The following PTPRK variants were observed in gnomAD, a reference collection of about 807,000 sequenced individuals.
PTPRK encodes receptor-type tyrosine-protein phosphatase kappa.
Under a neutral mutation model 178.0 loss-of-function variants are expected in PTPRK, and 75 were observed. The ratio of observed to expected loss-of-function variants is 0.42; its 90% CI spans 0.35 to 0.51. The LOEUF (loss-of-function observed/expected upper bound fraction) is 0.51, where lower values mean the gene tolerates loss of function less well. Among genes scored for constraint, PTPRK ranks in the 20% least tolerant of loss-of-function variants. The pLI, the probability that PTPRK is intolerant of heterozygous loss-of-function variation, is 0.02. For synonymous variants in PTPRK, 637 were observed against 620.6 expected, an observed-to-expected ratio of 1.03 and a Z score of -0.39; for missense variants, 1,441 against 1,797.8, an observed-to-expected ratio of 0.80 and a Z score of 3.59.
chr6:128,225,005 C>T (rs1407515237), intron 5 of PTPRK, among the ~76,000 whole-genome samples: 1 of 152,128 alleles, frequency 6.6e-6, no homozygotes, highest in Non-Finnish European at 1.5e-5. Context: ...TTTTCTATTA[C>T]TTTCAGCTTG....
At chr6:128,137,515 G>A (rs1263755531) in intron 7 of PTPRK, among the ~76,000 whole-genome samples, 2 of 152,144 alleles carry the variant, frequency 1.3e-5, no homozygotes, top group Non-Finnish European at 2.9e-5. Context: ...AATTCTGGCA[G>A]TAAGCGACAA....
intron 15 of PTPRK, chr6:128,000,375 G>GC (rs1381435730): frequency 8.4e-7 from 1 of 1,194,076 alleles, no homozygotes; most frequent in East Asian, 5.6e-5. Context: ...AGATTTGTGT[G>GC]CCTCTGTAAT....
At chr6:128,331,102 A>T (rs1353634929) in intron 2 of PTPRK, among the ~76,000 whole-genome samples, 1 of 152,002 alleles carries the variant, frequency 6.6e-6, no homozygotes, top group Non-Finnish European at 1.5e-5. Context: ...CCACTTACTG[A>T]ATTTATTTGT....
chr6:128,266,383 C>G (rs1353974327), intron 3 of PTPRK, among the ~76,000 whole-genome samples: 2 of 151,968 alleles, frequency 1.3e-5, no homozygotes, highest in Non-Finnish European at 2.9e-5. Flanking sequence ...GACTGGGGAC[C>G]CAGACAGATG....
intron 10 of PTPRK, among the ~76,000 whole-genome samples, chr6:128,079,307 C>T (rs1366145056): frequency 6.6e-6 from 1 of 151,892 alleles, no homozygotes; most frequent in African/African-American, 2.4e-5. Flanking sequence ...CTATGAACAG[C>T]AAGAGCTGAG....
intron 11 of PTPRK, among the ~76,000 whole-genome samples, chr6:128,068,261 C>T (rs1403808393): frequency 6.6e-6 from 1 of 152,222 alleles, no homozygotes; most frequent in Non-Finnish European, 1.5e-5. Flanking sequence ...GTCACAGCCT[C>T]AGAGACAGAA....
rs1433549278 is a variant in PTPRK at position 128,519,103 on chromosome 6, C to T, written c.100+1156G>A. 1.9e-6 allele frequency: 1 copy of T among 531,110 alleles called. No homozygotes were observed. Among genetic ancestry groups the T allele is most frequent in the South Asian group, 1.4e-5 (1 of 70,834 alleles). 32.9% of individuals were successfully genotyped at this position (531,110 alleles called of 1,614,324 possible). A position where few individuals can be genotyped will look rare whatever the true frequency, so the allele number is the denominator to read the frequency against. ...CACCACTGCGTCTCCATCTGCACCGCGAACCCCAGCAGCAGATGCGCTCGC... is the reference window on the plus strand; with the variant it reads ...CACCACTGCGTCTCCATCTGCACCGTGAACCCCAGCAGCAGATGCGCTCGC... On this transcript the variant is annotated intron_variant, in intron 1 of 29. Transcript: ENST00000368226. This position sits in a 1 kb window ranked among gnomAD's most constrained non-coding sequence, Gnocchi z 4.3.
At chr6:128,017,916 T>G (rs942927335) in intron 13 of PTPRK, among the ~76,000 whole-genome samples, 12 of 148,562 alleles carry the variant, frequency 8.1e-5, no homozygotes, top group Non-Finnish European at 1.6e-4. Context: ...CTATCCAGGG[T>G]AGGACTGTTC....
chr6:128,493,030 C>A (rs1288630072), intron 1 of PTPRK, among the ~76,000 whole-genome samples: 1 of 152,080 alleles, frequency 6.6e-6, no homozygotes, highest in Non-Finnish European at 1.5e-5. Flanking sequence ...ATTTTAGAAG[C>A]CGGAATATGT....
chr6:128,266,285 T>C (rs546217418), intron 3 of PTPRK, among the ~76,000 whole-genome samples: 1 of 152,192 alleles, frequency 6.6e-6, no homozygotes, highest in East Asian at 1.9e-4. Context: ...GCTTGAACTT[T>C]TGACAATATC....
intron 1 of PTPRK, among the ~76,000 whole-genome samples, chr6:128,516,892 G>A (rs1858117138): frequency 6.6e-6 from 1 of 151,670 alleles, no homozygotes; most frequent in Non-Finnish European, 1.5e-5. Flanking sequence ...TGCCAGGAAT[G>A]TTAATAGTGA....
At chr6:128,263,197 C>A (rs1190084051) in intron 3 of PTPRK, among the ~76,000 whole-genome samples, 1 of 152,134 alleles carries the variant, frequency 6.6e-6, no homozygotes, top group Non-Finnish European at 1.5e-5. Flanking sequence ...TGGATAAATG[C>A]TTCATGACAG....
At chr6:128,090,880 G>C (rs1216458937) in intron 7 of PTPRK, among the ~76,000 whole-genome samples, 1 of 152,054 alleles carries the variant, frequency 6.6e-6, no homozygotes, top group Non-Finnish European at 1.5e-5. Context: ...TTGATAAAAA[G>C]AAAAAAGTCA....
At chr6:128,424,013 G>T (rs988935395) in intron 1 of PTPRK, among the ~76,000 whole-genome samples, 1 of 149,858 alleles carries the variant, frequency 6.7e-6, no homozygotes, top group African/African-American at 2.5e-5. Context: ...TTGAGGCCAG[G>T]AGTCAAGATC....
chr6:128,278,435 C>T (rs1738293), intron 3 of PTPRK, among the ~76,000 whole-genome samples: 1 of 151,888 alleles, frequency 6.6e-6, no homozygotes, highest in Non-Finnish European at 1.5e-5. Context: ...GGATTACAGG[C>T]GTGAGCCACT....
chr6:128,172,867 A>G (rs1800503794), intron 7 of PTPRK, among the ~76,000 whole-genome samples: 5 of 152,018 alleles, frequency 3.3e-5, no homozygotes, highest in East Asian at 1.9e-4. Flanking sequence ...ATATCAATAT[A>G]TTCCAAAGAA....
chr6:128,270,101 A>C (rs1037219018), intron 3 of PTPRK, among the ~76,000 whole-genome samples: 32 of 152,256 alleles, frequency 2.1e-4, no homozygotes, highest in Non-Finnish European at 3.4e-4. Context: ...ACCACTTCAT[A>C]AAACAAGATA....
chr6:128,358,672 GTCTT>G (rs1834290275), intron 2 of PTPRK, among the ~76,000 whole-genome samples: 2 of 152,186 alleles, frequency 1.3e-5, no homozygotes, highest in African/African-American at 2.4e-5. Context: ...GAAGTGAGAT[GTCTT>G]TCTAAGTCTG....
At chr6:128,156,840 T>C (rs968782342) in intron 7 of PTPRK, among the ~76,000 whole-genome samples, 11 of 152,010 alleles carry the variant, frequency 7.2e-5, no homozygotes, top group East Asian at 3.9e-4. Context: ...TATACATGCA[T>C]GTCTGTCACA....
Sources: allele counts gnomAD v4.1 joint callset (sites outside exome capture counted in the v4.1 genomes callset), GRCh38; gene constraint gnomAD v4.1.1; non-coding constraint Gnocchi (gnomAD v3.1); transcripts MANE v1.5; gene names NCBI Gene and HGNC (gene_info 2026-07-23, HGNC 2026-07-21).